The following RCAN2 variants were observed in gnomAD, a reference collection of about 807,000 sequenced individuals.
RCAN2 encodes regulator of calcineurin 2.
In RCAN2, 9 loss-of-function variants were observed where a neutral mutation model predicts 23.6. That is an observed-to-expected ratio of 0.38 (90% CI 0.23 to 0.67). The LOEUF is 0.67. Ranked by LOEUF, RCAN2 falls within the 30% of genes least tolerant of loss-of-function variation. The pLI, the probability that RCAN2 is intolerant of heterozygous loss-of-function variation, is 0.51. For missense variants in RCAN2, 273 were observed against 302.3 expected (o/e 0.90, Z 0.72); for synonymous variants, 109 against 115.7 (o/e 0.94, Z 0.37).
intron 4 of RCAN2, among the ~76,000 whole-genome samples, chr6:46,230,998 T>G (rs1051615894): frequency 2.0e-5 from 3 of 152,180 alleles, no homozygotes; most frequent in Admixed American, 6.5e-5. Flanking sequence ...CTGGGAAGGA[T>G]GTAGACATTC....
intron 2 of RCAN2, among the ~76,000 whole-genome samples, chr6:46,406,890 T>C (rs1383715479): frequency 6.6e-6 from 1 of 152,206 alleles, no homozygotes; most frequent in Non-Finnish European, 1.5e-5. Flanking sequence ...AAAATTACAA[T>C]ATTTCAGTAG....
chr6:46,342,313 T>G (rs1764346722), intron 2 of RCAN2, among the ~76,000 whole-genome samples: 1 of 152,104 alleles, frequency 6.6e-6, no homozygotes, highest in Admixed American at 6.5e-5. Flanking sequence ...TTGTGCTGTG[T>G]CTCTGAGACA....
At chr6:46,408,248 G>T (rs943120076) in intron 2 of RCAN2, among the ~76,000 whole-genome samples, 10 of 152,122 alleles carry the variant, frequency 6.6e-5, no homozygotes, top group Non-Finnish European at 8.8e-5. Flanking sequence ...TTTTGCTCAG[G>T]TACCTGTTTA....
intron 4 of RCAN2, among the ~76,000 whole-genome samples, chr6:46,246,028 T>C (rs1422621303): frequency 2.0e-5 from 3 of 152,210 alleles, no homozygotes; most frequent in African/African-American, 7.2e-5. Context: ...CTACAAAGCC[T>C]AAAGAAACTT....
intron 2 of RCAN2, among the ~76,000 whole-genome samples, chr6:46,352,449 A>G (rs1444252273): frequency 6.6e-6 from 1 of 152,116 alleles, no homozygotes; most frequent in Non-Finnish European, 1.5e-5. Flanking sequence ...GCCTGAGACC[A>G]GAGCAGGAAA....
At chr6:46,434,111 G>T (rs1033497999) in intron 2 of RCAN2, among the ~76,000 whole-genome samples, 1 of 152,228 alleles carries the variant, frequency 6.6e-6, no homozygotes, top group Non-Finnish European at 1.5e-5. Context: ...TGATTGCCCA[G>T]TATGCCTGTG....
chr6:46,323,180 C>G (rs1763672724), intron 2 of RCAN2, among the ~76,000 whole-genome samples: 2 of 152,048 alleles, frequency 1.3e-5, no homozygotes, highest in African/African-American at 4.8e-5. Flanking sequence ...TAAAAGTTAC[C>G]TATCACTTTC....
Position 46,337,639 on chromosome 6 carries a change from G to A in RCAN2, c.226-88743C>T, listed in dbSNP as rs138941862. Among the ~76,000 whole-genome samples the A allele has an allele frequency of 5.3e-4, 81 of 152,172 alleles. No individual in the cohort carries two copies. The East Asian group carries it at 0.011, about 20-fold the overall frequency. ...CCTTCCACCCCACTCACCTTTCATC[G>A]TAACTTTAGTCATCTTTGAATTCTT... On this transcript the variant is annotated intron_variant, in intron 2 of 4. Transcript: ENST00000371374.
intron 2 of RCAN2, among the ~76,000 whole-genome samples, chr6:46,377,634 G>A (rs1336330802): frequency 6.6e-6 from 1 of 152,182 alleles, no homozygotes; most frequent in African/African-American, 2.4e-5. Context: ...TACTATTTAG[G>A]TGGCATAAAT....
chr6:46,229,897 A>C (rs1198536350), intron 4 of RCAN2, among the ~76,000 whole-genome samples: 2 of 152,178 alleles, frequency 1.3e-5, no homozygotes, highest in African/African-American at 4.8e-5. Flanking sequence ...GTTTCTCCCC[A>C]TCTTTGTGGT....
intron 2 of RCAN2, among the ~76,000 whole-genome samples, chr6:46,437,763 C>T (rs912707087): frequency 6.6e-6 from 1 of 152,160 alleles, no homozygotes; most frequent in Non-Finnish European, 1.5e-5. Context: ...TGGTGACTTT[C>T]TGTAGAGTCC....
At chr6:46,356,212 C>A (rs549106676) in intron 2 of RCAN2, among the ~76,000 whole-genome samples, 23 of 152,314 alleles carry the variant, frequency 1.5e-4, no homozygotes, top group African/African-American at 5.5e-4. Flanking sequence ...TATTCACAAA[C>A]CTGCCCGGAT....
At chr6:46,444,431 T>G (rs990430196) in intron 2 of RCAN2, among the ~76,000 whole-genome samples, 3 of 152,108 alleles carry the variant, frequency 2.0e-5, no homozygotes, top group Admixed American at 6.5e-5. Flanking sequence ...CATCCTAGCT[T>G]GAGTATATTC....
At chr6:46,418,948 C>T (rs1352955859) in intron 2 of RCAN2, among the ~76,000 whole-genome samples, 5 of 151,344 alleles carry the variant, frequency 3.3e-5, no homozygotes, top group African/African-American at 4.9e-5. Flanking sequence ...ATTAGCTGGG[C>T]GTGGCGGCAC....
At chr6:46,246,639 T>C in intron 4 of RCAN2, 109 bp downstream of exon 4, 1 of 847,198 alleles carries the variant, frequency 1.2e-6, no homozygotes, top group Non-Finnish European at 1.9e-6. Flanking sequence ...ATAAATCTAT[T>C]AGAAATGCAG....
At position 46,444,839 on chromosome 6, in the gene RCAN2, C is replaced by G. The variant is rs141109306; in HGVS notation, c.225+11913G>C. 1.7e-3 allele frequency among the ~76,000 whole-genome samples: 260 copies of G among 152,314 alleles called. 1 individual carries two copies. Among genetic ancestry groups the G allele is most frequent in the African/African-American group, 5.9e-3 (247 of 41,570 alleles). Reference sequence around the variant, plus strand: ...CTTGGACCCAGATACCAGGACAGCACCTGTGGCCCCAAGACCCAGGCCTCC... The same window carrying G: ...CTTGGACCCAGATACCAGGACAGCAGCTGTGGCCCCAAGACCCAGGCCTCC... On this transcript the variant is annotated intron_variant, in intron 2 of 4. Transcript: ENST00000371374.
At chr6:46,232,609 T>C (rs994922746) in intron 4 of RCAN2, among the ~76,000 whole-genome samples, 1 of 151,922 alleles carries the variant, frequency 6.6e-6, no homozygotes, top group African/African-American at 2.4e-5. Flanking sequence ...CTGGTCAACA[T>C]GGGGAAACCC....
At chr6:46,273,980 G>A (rs1253180818) in intron 2 of RCAN2, among the ~76,000 whole-genome samples, 1 of 152,120 alleles carries the variant, frequency 6.6e-6, no homozygotes. Flanking sequence ...TACATAAGAT[G>A]CTGAGAAAGA....
At chr6:46,229,097 G>C (rs566483307) in intron 4 of RCAN2, among the ~76,000 whole-genome samples, 3 of 152,062 alleles carry the variant, frequency 2.0e-5, no homozygotes, top group Admixed American at 6.6e-5. Flanking sequence ...GAATATTGGC[G>C]CCCACTCTCT....
Sources: allele counts gnomAD v4.1 joint callset (sites outside exome capture counted in the v4.1 genomes callset), GRCh38; gene constraint gnomAD v4.1.1; transcripts MANE v1.5; gene names NCBI Gene and HGNC (gene_info 2026-07-23, HGNC 2026-07-21).